Variants in RALYL observed in about 807,000 individuals in gnomAD.
RALYL encodes RNA-binding Raly-like protein.
A neutral mutation model predicts 35.1 loss-of-function variants in RALYL; 29 were observed. That is an observed-to-expected ratio of 0.83 (90% CI 0.61 to 1.13). The LOEUF (loss-of-function observed/expected upper bound fraction) is 1.13. RALYL is among the 50% of genes most tolerant of loss of function. The pLI, the probability that RALYL is intolerant of heterozygous loss-of-function variation, is 0.00. For synonymous variants in RALYL, 120 were observed against 127.6 expected (o/e 0.94, Z 0.40); for missense variants, 359 against 360.4 (o/e 1.00, Z 0.03).
At position 84,468,105 on chromosome 8, in the gene RALYL, A is replaced by G. The variant is rs181417030; in HGVS notation, c.-23-61194A>G. Among the ~76,000 whole-genome samples the G allele has an allele frequency of 3.0e-3, 460 of 151,680 alleles. 2 individuals carry two copies. The highest frequency in any genetic ancestry group is 0.011 in the African/African-American group (446 of 41,266). ...GTCTTGACTCTTTATCCAATTTGCC[A>G]GTCTGTGTCTTTTAATTGGAGAATT... is the stretch of plus-strand genomic sequence containing the variant. On this transcript the variant is annotated intron_variant, in intron 1 of 8. Transcript: ENST00000521268.
chr8:84,305,610 T>A (rs1436864662), intron 1 of RALYL, among the ~76,000 whole-genome samples: 1 of 152,204 alleles, frequency 6.6e-6, no homozygotes, highest in Non-Finnish European at 1.5e-5. Context: ...TTTAGAGGCA[T>A]AGATTGGATT....
chr8:84,426,524 G>A (rs1264513200), intron 1 of RALYL, among the ~76,000 whole-genome samples: 2 of 150,930 alleles, frequency 1.3e-5, no homozygotes, highest in African/African-American at 2.4e-5. Flanking sequence ...TCCTTTCTAT[G>A]TCTGACTTAG....
At chr8:84,693,677 G>A (rs1838543105) in intron 2 of RALYL, among the ~76,000 whole-genome samples, 1 of 151,806 alleles carries the variant, frequency 6.6e-6, no homozygotes. Flanking sequence ...AAAAATTACA[G>A]GCTGATATTC....
chr8:84,276,375 G>T (rs1007224183), intron 1 of RALYL, among the ~76,000 whole-genome samples: 1 of 152,050 alleles, frequency 6.6e-6, no homozygotes, highest in African/African-American at 2.4e-5. Context: ...CAGCAAATGG[G>T]ATTTCCCTCC....
chr8:84,320,874 G>A (rs1844684135), intron 1 of RALYL, among the ~76,000 whole-genome samples: 1 of 151,998 alleles, frequency 6.6e-6, no homozygotes, highest in Non-Finnish European at 1.5e-5. Context: ...GTGCCTCTGA[G>A]GCTAACTTAG....
At chr8:84,755,264 C>A (rs919061211) in intron 2 of RALYL, among the ~76,000 whole-genome samples, 1 of 152,136 alleles carries the variant, frequency 6.6e-6, no homozygotes, top group African/African-American at 2.4e-5. Context: ...GTCTCACAAA[C>A]CAAATAGCAG....
At chr8:84,702,855 G>T (rs1400823211) in intron 2 of RALYL, among the ~76,000 whole-genome samples, 1 of 152,064 alleles carries the variant, frequency 6.6e-6, no homozygotes, top group African/African-American at 2.4e-5. Flanking sequence ...TAAGTGTGGA[G>T]TATAAAGATT....
chr8:84,648,038 G>T (rs950771891), intron 2 of RALYL, among the ~76,000 whole-genome samples: 1 of 152,006 alleles, frequency 6.6e-6, no homozygotes, highest in Non-Finnish European at 1.5e-5. Context: ...CAATGTCCAG[G>T]TTTAAAGTTA....
intron 8 of RALYL, among the ~76,000 whole-genome samples, chr8:84,893,896 G>T (rs1399981497): frequency 6.6e-6 from 1 of 152,158 alleles, no homozygotes; most frequent in Non-Finnish European, 1.5e-5. Context: ...ATCCACAGTA[G>T]ATTTACCTAG....
intron 5 of RALYL, among the ~76,000 whole-genome samples, chr8:84,857,769 A>G (rs1837344581): frequency 6.6e-6 from 1 of 152,202 alleles, no homozygotes; most frequent in South Asian, 2.1e-4. Flanking sequence ...CAATTATGTG[A>G]AAAATATGGA....
At chr8:84,189,261 A>C (rs1422519865) in intron 1 of RALYL, among the ~76,000 whole-genome samples, 1 of 152,226 alleles carries the variant, frequency 6.6e-6, no homozygotes, top group South Asian at 2.1e-4. Context: ...TTTTCTGTGC[A>C]TAAATATGTT....
intron 2 of RALYL, among the ~76,000 whole-genome samples, chr8:84,539,886 A>ATGTGTGTGTGTG (rs371636213): frequency 8.1e-5 from 7 of 86,880 alleles, no homozygotes; most frequent in African/African-American, 3.2e-4. Flanking sequence ...ATGTATATAT[A>ATGTGTGTGTGTG]TGTGTGTGTG....
chr8:84,428,296 G>C (rs866640576), intron 1 of RALYL, among the ~76,000 whole-genome samples: 24 of 152,134 alleles, frequency 1.6e-4, no homozygotes, highest in African/African-American at 5.6e-4. Context: ...AAAGTAGCCA[G>C]ATGGTCGTTA....
chr8:84,442,045 G>A (rs1317945080), intron 1 of RALYL, among the ~76,000 whole-genome samples: 7 of 152,014 alleles, frequency 4.6e-5, no homozygotes, highest in Non-Finnish European at 8.8e-5. Flanking sequence ...TTAAACAAAA[G>A]GGAATATCAC....
intron 1 of RALYL, among the ~76,000 whole-genome samples, chr8:84,253,350 A>T (rs968195046): frequency 6.7e-6 from 1 of 148,974 alleles, no homozygotes; most frequent in Non-Finnish European, 1.5e-5. Flanking sequence ...CCACCACGCC[A>T]GGCTAATTTT....
At chr8:84,543,786 A>T (rs1019345553) in intron 2 of RALYL, among the ~76,000 whole-genome samples, 19 of 152,034 alleles carry the variant, frequency 1.2e-4, no homozygotes, top group Admixed American at 1.3e-4. Context: ...TTCCTGCCCC[A>T]TGTTGGGAAT....
chr8:84,310,206 C>A (rs1842509248), intron 1 of RALYL, among the ~76,000 whole-genome samples: 1 of 151,970 alleles, frequency 6.6e-6, no homozygotes, highest in African/African-American at 2.4e-5. Flanking sequence ...CTACTCCTGG[C>A]TAATTTTTGT....
At chr8:84,771,403 G>T (rs773602736) in intron 2 of RALYL, among the ~76,000 whole-genome samples, 1 of 151,940 alleles carries the variant, frequency 6.6e-6, no homozygotes, top group Non-Finnish European at 1.5e-5. Context: ...ATGTGTAAAA[G>T]GTTTTTTAAG....
At chr8:84,759,154 A>G (rs1028545017) in intron 2 of RALYL, among the ~76,000 whole-genome samples, 1 of 152,120 alleles carries the variant, frequency 6.6e-6, no homozygotes, top group South Asian at 2.1e-4. Context: ...TTCTGATTAC[A>G]TGTGAATGTA....
Sources: gnomAD v4.1 joint callset for allele counts (sites outside exome capture counted in the v4.1 genomes callset) on GRCh38, gnomAD v4.1.1 for gene constraint, MANE v1.5 for transcripts, NCBI Gene and HGNC (gene_info 2026-07-23, HGNC 2026-07-21) for gene names.